MED27: variants seen among roughly 807,000 people sequenced by gnomAD.
The protein encoded by MED27 is mediator complex subunit 27.
In MED27, 30 loss-of-function variants were observed where a neutral mutation model predicts 38.2. The observed-to-expected ratio is 0.79, with a 90% CI of 0.59 to 1.07. MED27 has a LOEUF of 1.07. Ranked by LOEUF, MED27 falls within the 50% of genes least tolerant of loss-of-function variation. The pLI is 0.00. For missense variants in MED27, 289 were observed against 397.5 expected, an observed-to-expected ratio of 0.73 and a Z score of 2.32; for synonymous variants, 122 against 153.5, an observed-to-expected ratio of 0.79 and a Z score of 1.52.
intron 3 of MED27, among the ~76,000 whole-genome samples, chr9:132,009,341 C>A (rs1367917451): frequency 1.3e-5 from 2 of 152,126 alleles, no homozygotes; most frequent in Non-Finnish European, 2.9e-5. Context: ...AAAGGGAGAG[C>A]CTCATCCCCT....
At chr9:131,981,715 T>C (rs754538055) in intron 3 of MED27, among the ~76,000 whole-genome samples, 1 of 152,166 alleles carries the variant, frequency 6.6e-6, no homozygotes, top group Admixed American at 6.5e-5. Context: ...CAGGAGGCTA[T>C]AGTCAGCCCT....
At chr9:131,965,991 G>A (rs545597247) in intron 3 of MED27, among the ~76,000 whole-genome samples, 1 of 150,660 alleles carries the variant, frequency 6.6e-6, no homozygotes, top group South Asian at 2.1e-4. Context: ...CAGAGACCCG[G>A]GAGTCTTTAG....
intron 2 of MED27, among the ~76,000 whole-genome samples, chr9:132,041,995 T>C (rs1019958209): frequency 2.0e-5 from 3 of 152,246 alleles, no homozygotes; most frequent in Admixed American, 6.5e-5. Context: ...GGACCATCTG[T>C]TGTTAGGATC....
chr9:132,024,465 C>G (rs1832776422), intron 2 of MED27, among the ~76,000 whole-genome samples: 1 of 152,178 alleles, frequency 6.6e-6, no homozygotes. Context: ...TTCGCTTCCT[C>G]CAATAACACC....
rs1838649324 is a variant in MED27, at chr9:131,861,386, G to A, written c.802-714C>T. Among the ~76,000 whole-genome samples the A allele has an allele frequency of 2.0e-5, 3 of 152,198 alleles. No individual in the cohort carries two copies. Among genetic ancestry groups the A allele is most frequent in the Admixed American group, 2.0e-4 (3 of 15,286 alleles). The stretch of plus-strand genomic sequence containing the variant: ...CAAACGTAAAACAGCAGGCAAGCAA[G>A]TTCTCGCGGTGAAAGGGCACGTGAA... On this transcript the variant is annotated intron_variant, in intron 7 of 7. Coordinates refer to ENST00000292035, the MANE Select transcript of MED27 (RefSeq NM_004269.4). The surrounding 1 kb of genome is among the most constrained non-coding windows in gnomAD (Gnocchi z 4.4).
intron 2 of MED27, among the ~76,000 whole-genome samples, chr9:132,055,039 T>C (rs1290283800): frequency 6.6e-6 from 1 of 152,178 alleles, no homozygotes; most frequent in African/African-American, 2.4e-5. Flanking sequence ...TGCTCCCTCC[T>C]GCTGTGTACC....
intron 4 of MED27, among the ~76,000 whole-genome samples, chr9:131,919,550 T>G (rs1830352780): frequency 6.6e-6 from 1 of 152,130 alleles, no homozygotes; most frequent in Admixed American, 6.5e-5. Flanking sequence ...CACTGTGGGC[T>G]TGAGCCTCTT....
At chr9:131,901,007 AG>A (rs1398862231) in intron 4 of MED27, among the ~76,000 whole-genome samples, 1 of 134,698 alleles carries the variant, frequency 7.4e-6, no homozygotes, top group Non-Finnish European at 1.6e-5. Flanking sequence ...AGAGGAGGAG[AG>A]GGGAGACACA....
chr9:131,984,809 AG>A (rs1226968567), intron 3 of MED27, among the ~76,000 whole-genome samples: 2 of 151,926 alleles, frequency 1.3e-5, no homozygotes, highest in Non-Finnish European at 2.9e-5. Flanking sequence ...TGGTATTTTG[AG>A]CCTGGGACTG....
rs568280556 is a variant in MED27, at chr9:132,065,920, G to A, written c.348+11522C>T. On this transcript the variant is annotated intron_variant, in intron 2 of 7. Transcript: ENST00000292035. The stretch of plus-strand genomic sequence containing the variant: ...TAGCTGCCAAATACTGTTGGTCCCC[G>A]TTAGAGGGCTAGCAGCATGGCCTTG... 2.6e-5 allele frequency among the ~76,000 whole-genome samples: 4 copies of A among 152,358 alleles called. No homozygotes were observed. The East Asian group carries it at 5.8e-4, about 22-fold the overall frequency.
chr9:131,991,670 A>C (rs1831977754), intron 3 of MED27, among the ~76,000 whole-genome samples: 2 of 152,232 alleles, frequency 1.3e-5, no homozygotes, highest in Admixed American at 1.3e-4. Context: ...AGGTTTAGGA[A>C]GGAACTAATA....
intron 3 of MED27, among the ~76,000 whole-genome samples, chr9:132,001,693 C>A (rs767591992): frequency 6.6e-6 from 1 of 152,196 alleles, no homozygotes; most frequent in South Asian, 2.1e-4. Flanking sequence ...CCACCTTCTT[C>A]TAAGTTCTAA....
chr9:131,938,865 C>G (rs1830730549), intron 4 of MED27, among the ~76,000 whole-genome samples: 1 of 152,056 alleles, frequency 6.6e-6, no homozygotes, highest in Non-Finnish European at 1.5e-5. Context: ...AGGCACCCAC[C>G]ACCACACCCG....
intron 3 of MED27, among the ~76,000 whole-genome samples, chr9:131,958,338 C>T (rs1205796725): frequency 2.0e-5 from 3 of 151,786 alleles, no homozygotes; most frequent in East Asian, 1.9e-4. Flanking sequence ...CTCCGCCTCC[C>T]GAGTTCTAGC....
At chr9:131,869,043 T>A (rs1838783169) in intron 6 of MED27, 1 of 985,354 alleles carries the variant, frequency 1.0e-6, no homozygotes, top group Non-Finnish European at 1.2e-6. Context: ...TTTCAAAAAG[T>A]CCAGTATAAA....
rs1379332992 is a variant in MED27, at chr9:132,003,032, G to A, written c.479+11305C>T. ...TTCACTTACAACCAGCATTAGTTGG[G>A]GGACAGCATGGTGTGAAGTATTAAC... On this transcript the variant is annotated intron_variant, in intron 3 of 7. Transcript: ENST00000292035. This position sits in a 1 kb window ranked among gnomAD's most constrained non-coding sequence, Gnocchi z 4.2. 6.6e-6 allele frequency among the ~76,000 whole-genome samples: 1 copy of A among 152,066 alleles called. No individual in the cohort carries two copies. Among genetic ancestry groups the A allele is most frequent in the Admixed American group, 6.5e-5 (1 of 15,276 alleles).
In MED27 at chr9:131,917,102, C is replaced by A. The variant is rs1830305377; in HGVS notation, c.573+22279G>T. On this transcript the variant is annotated intron_variant, in intron 4 of 7. Transcript: ENST00000292035. This position sits in a 1 kb window ranked among gnomAD's most constrained non-coding sequence, Gnocchi z 4.6. The stretch of plus-strand genomic sequence containing the variant: ...TGGGAATCTTGTTCCTAAGGAGCCC[C>A]TGGAAATGGGAAGGTATTTTTGCTT... Among the ~76,000 whole-genome samples the A allele has an allele frequency of 6.6e-6, 1 of 152,122 alleles. No homozygotes were observed. The highest frequency in any genetic ancestry group is 6.5e-5 in the Admixed American group (1 of 15,280).
chr9:131,910,524 T>A (rs1220246331), intron 4 of MED27, among the ~76,000 whole-genome samples: 2 of 152,080 alleles, frequency 1.3e-5, no homozygotes, highest in Non-Finnish European at 2.9e-5. Context: ...CATTTACATT[T>A]GGATTTTTTT....
intron 3 of MED27, among the ~76,000 whole-genome samples, chr9:131,944,722 G>C (rs931735908): frequency 2.0e-5 from 3 of 151,976 alleles, no homozygotes; most frequent in African/African-American, 7.3e-5. Context: ...AGTAGAGACA[G>C]GGTTTCACCA....
Sources: gnomAD v4.1 joint callset for allele counts (sites outside exome capture counted in the v4.1 genomes callset) on GRCh38, gnomAD v4.1.1 for gene constraint, Gnocchi (gnomAD v3.1) non-coding constraint, MANE v1.5 for transcripts, NCBI Gene and HGNC (gene_info 2026-07-23, HGNC 2026-07-21) for gene names.